Variants in ANKMY1 observed in about 807,000 individuals in gnomAD.
ANKMY1 encodes ankyrin repeat and MYND domain-containing protein 1.
ANKMY1 carries 98 observed loss-of-function variants against 102.0 expected under a neutral mutation model. That is an observed-to-expected ratio of 0.96 (90% CI 0.82 to 1.14). The LOEUF is 1.14. Ranked by LOEUF, ANKMY1 falls within the 50% of genes most tolerant of loss-of-function variation. The pLI, the probability that ANKMY1 is intolerant of heterozygous loss-of-function variation, is 0.00. For synonymous variants in ANKMY1, 582 were observed against 559.9 expected, an observed-to-expected ratio of 1.04 and a Z score of -0.56; for missense variants, 1,330 against 1,347.6, an observed-to-expected ratio of 0.99 and a Z score of 0.20.
intron 13 of ANKMY1, among the ~76,000 whole-genome samples, chr2:240,507,034 G>C (rs2079193213): frequency 6.6e-6 from 1 of 152,022 alleles, no homozygotes; most frequent in Admixed American, 6.6e-5. Context: ...TGTGCAGCTG[G>C]ACCAAGGTGA....
At chr2:240,546,667 T>G (rs1371076456) in intron 4 of ANKMY1, among the ~76,000 whole-genome samples, 1 of 151,872 alleles carries the variant, frequency 6.6e-6, no homozygotes, top group Non-Finnish European at 1.5e-5. Context: ...TGGAGGAAGA[T>G]CTACCAAGCA....
chr2:240,480,397 C>T (rs115555688), intron 17 of ANKMY1, among the ~76,000 whole-genome samples: 3,047 of 152,334 alleles, frequency 0.02, 38 homozygotes, highest in Non-Finnish European at 0.03. Flanking sequence ...CTTGCGGCAC[C>T]GGGCCCTGTT....
chr2:240,526,600 C>T (rs1401219424), intron 5 of ANKMY1, 155 bp from the exon 6 acceptor site: 4 of 1,464,680 alleles, frequency 2.7e-6, no homozygotes, highest in Non-Finnish European at 3.6e-6. Context: ...GGCAGCTGCA[C>T]CCGCAGCTGC....
chr2:240,533,718 AACACACACACACACACACAC>A (rs34916770), intron 4 of ANKMY1, among the ~76,000 whole-genome samples: 4 of 145,528 alleles, frequency 2.7e-5, no homozygotes, highest in Non-Finnish European at 6.0e-5. Flanking sequence ...GATTTCAATA[AACACACACACACACACACAC>A]ACACACACAC....
intron 2 of ANKMY1, 71 bp from the exon 3 acceptor site, chr2:240,555,126 C>T: frequency 4.7e-6 from 7 of 1,493,988 alleles, no homozygotes; most frequent in East Asian, 2.3e-5. Context: ...CTGAGCACAA[C>T]CCCCGAGCAC....
chr2:240,546,926 C>G (rs1268175903), intron 4 of ANKMY1, among the ~76,000 whole-genome samples: 1 of 152,066 alleles, frequency 6.6e-6, no homozygotes, highest in Non-Finnish European at 1.5e-5. Flanking sequence ...ACTTTAACAC[C>G]CCATTGTCAA....
intron 9 of ANKMY1, among the ~76,000 whole-genome samples, chr2:240,513,804 C>A (rs139316710): frequency 6.6e-6 from 1 of 152,270 alleles, no homozygotes; most frequent in African/African-American, 2.4e-5. Context: ...CACAGCCCAA[C>A]ACCCACAGCC....
chr2:240,502,868 G>T (rs911717602), intron 13 of ANKMY1, among the ~76,000 whole-genome samples: 1 of 137,462 alleles, frequency 7.3e-6, no homozygotes, highest in Non-Finnish European at 1.5e-5. Context: ...CATTGCCTCC[G>T]CCCTACACCC....
chr2:240,537,243 AC>A lies in ANKMY1; in HGVS notation c.481-7735del, dbSNP rs1453523166. On this transcript the variant is annotated intron_variant, in intron 4 of 17. Transcript: ENST00000401804. ...AAGGCCTTTTGTTTTTCCTTTCTTT[AC>A]CTATAGTTTCCAGATTTGCTGATAA... 4.9e-3 allele frequency among the ~76,000 whole-genome samples: 743 copies of A among 152,180 alleles called. 11 individuals are homozygous for A. Among genetic ancestry groups the A allele is most frequent in the African/African-American group, 0.017 (694 of 41,526 alleles).
At chr2:240,549,282 T>C (rs1278276317) in intron 4 of ANKMY1, among the ~76,000 whole-genome samples, 6 of 150,100 alleles carry the variant, frequency 4.0e-5, no homozygotes, top group African/African-American at 1.5e-4. Flanking sequence ...CCCTATTTAA[T>C]AAATGGTGCT....
chr2:240,512,752 G>C (rs2080464384), intron 10 of ANKMY1, 50 bp downstream of exon 10: 1 of 1,566,184 alleles, frequency 6.4e-7, no homozygotes, highest in Admixed American at 1.8e-5. Context: ...ATCCATCCAG[G>C]CACACCTGGC....
Position 240,512,092 on chromosome 2 carries a change from T to C in ANKMY1, c.2146-91A>G, listed in dbSNP as rs548398982. The C allele has an allele frequency of 3.7e-4, 518 of 1,408,018 alleles. 6 individuals are homozygous for C. The Middle Eastern group carries it at 9.2e-3, about 25-fold the overall frequency. The allele number at this position is 1,408,018 out of a possible 1,614,324, so 87.2% of individuals were successfully genotyped here. On this transcript the variant is annotated intron_variant, in intron 10 of 17. Transcript: ENST00000401804. ...GAGCAAGGGAGCTTCCTCCCCAGCC[T>C]GCGGGTCTGGAGTCTCACCCTGCGA...
Position 240,557,243 on chromosome 2 carries a change from G to A in ANKMY1, c.93C>T (p.Thr31=). Residue 31 remains threonine, a synonymous_variant, in exon 2 of 18, where the codon ACC becomes ACT. Coordinates refer to ENST00000401804, the MANE Select transcript of ANKMY1 (RefSeq NM_001282771.3). ...QRPLEGKGGE[T]PAAEEPGSLK... ...GGGACCCCGGCTCCTCGGCAGCAGG[G>A]GTCTCGCCGCCCTTCCCCTCTAGCG... 1.9e-6 allele frequency: 3 copies of A among 1,594,208 alleles called. No homozygotes were observed. Among genetic ancestry groups the A allele is most frequent in the Non-Finnish European group, 2.6e-6 (3 of 1,169,662 alleles).
chr2:240,535,404 GT>G (rs2086479679), intron 4 of ANKMY1, among the ~76,000 whole-genome samples: 1 of 152,158 alleles, frequency 6.6e-6, no homozygotes, highest in Non-Finnish European at 1.5e-5. Flanking sequence ...AAGTTTTATT[GT>G]TCAGAGAGAG....
In ANKMY1 at chr2:240,500,854, G is replaced by A. The variant is rs547885725; in HGVS notation, c.2527-289C>T. Among the ~76,000 whole-genome samples the A allele has an allele frequency of 3.9e-5, 6 of 152,320 alleles. No individual in the cohort carries two copies. In the East Asian group the frequency reaches 5.8e-4, roughly 15 times the overall value. On this transcript the variant is annotated intron_variant, in intron 13 of 17. Transcript: ENST00000401804. ...ACCCGACTCCCAGCACCATAGAATC[G>A]ACAGAGTCTGTGACATCCATTACAG...
intron 15 of ANKMY1, among the ~76,000 whole-genome samples, chr2:240,498,004 G>T (rs1332460183): frequency 6.6e-6 from 1 of 152,196 alleles, no homozygotes; most frequent in Admixed American, 6.5e-5. Flanking sequence ...TATCCTCAGG[G>T]GTGTCATGCC....
downstream of ANKMY1, among the ~76,000 whole-genome samples, chr2:240,475,972 AT>A (rs111610906): frequency 2.4e-4 from 37 of 151,310 alleles, no homozygotes; most frequent in South Asian, 1.3e-3. Context: ...TTCCAATGGC[AT>A]TTTTTTTTAC....
rs562245703 is a variant in ANKMY1 at position 240,515,258 on chromosome 2, T to C, written c.2005-2316A>G. 1.4e-3 allele frequency among the ~76,000 whole-genome samples: 219 copies of C among 152,218 alleles called. 1 individual carries two copies. Among genetic ancestry groups the C allele is most frequent in the Non-Finnish European group, 2.6e-3 (180 of 68,034 alleles). ...TGCTCTTTAATAGAAAATTGTTGGC[T>C]GGACGCGGTATCTCACACCTGTAAT... On this transcript the variant is annotated intron_variant, in intron 9 of 17. Transcript: ENST00000401804.
chr2:240,533,718 AAC>A (rs34916770), intron 4 of ANKMY1, among the ~76,000 whole-genome samples: 37,257 of 145,322 alleles, frequency 0.26, 4,815 homozygotes, highest in African/African-American at 0.33. Flanking sequence ...GATTTCAATA[AAC>A]ACACACACAC....
Sources: gnomAD v4.1 joint callset for allele counts (sites outside exome capture counted in the v4.1 genomes callset) on GRCh38, gnomAD v4.1.1 for gene constraint, MANE v1.5 for transcripts, NCBI Gene and HGNC (gene_info 2026-07-23, HGNC 2026-07-21) for gene names.